The following ST6GALNAC3 variants were observed in gnomAD, a reference collection of about 807,000 sequenced individuals.
ST6GALNAC3 encodes the protein alpha-N-acetylgalactosaminide alpha-2,6-sialyltransferase 3.
In ST6GALNAC3, 25 loss-of-function variants were observed where a neutral mutation model predicts 32.7. The observed-to-expected ratio is 0.76, with a 90% CI of 0.56 to 1.07. The LOEUF is 1.07. Ranked by LOEUF, ST6GALNAC3 falls within the 50% of genes least tolerant of loss-of-function variation. The probability of loss-of-function intolerance (pLI) is 0.00; values close to 1 mark genes in which losing one functional copy is unlikely to be tolerated. For missense variants in ST6GALNAC3, 355 were observed against 382.4 expected, an observed-to-expected ratio of 0.93 and a Z score of 0.60; for synonymous variants, 129 against 133.1, an observed-to-expected ratio of 0.97 and a Z score of 0.21.
chr1:76,209,580 AGGT>A (rs1440043132), intron 1 of ST6GALNAC3, among the ~76,000 whole-genome samples: 2 of 152,180 alleles, frequency 1.3e-5, no homozygotes, highest in East Asian at 3.9e-4. Context: ...GTAGTGGAAG[AGGT>A]GGTGGTATTT....
intron 3 of ST6GALNAC3, among the ~76,000 whole-genome samples, chr1:76,592,056 G>A (rs147229674): frequency 2.6e-4 from 39 of 152,300 alleles, no homozygotes; most frequent in African/African-American, 9.1e-4. Flanking sequence ...TATGTAAGGT[G>A]AAGAATCCCA....
At chr1:76,251,890 T>C (rs77057416) in intron 1 of ST6GALNAC3, among the ~76,000 whole-genome samples, 2,063 of 152,284 alleles carry the variant, frequency 0.014, 87 homozygotes, top group East Asian at 0.12. Flanking sequence ...ACTCAGAAGA[T>C]ACGCTCCTTA....
At chr1:76,104,358 G>A (rs1458062680) in intron 1 of ST6GALNAC3, among the ~76,000 whole-genome samples, 2 of 152,158 alleles carry the variant, frequency 1.3e-5, no homozygotes, top group African/African-American at 2.4e-5. Context: ...ATATTGAGAT[G>A]GCTTGAAGAT....
At chr1:76,278,101 T>A (rs1378299569) in intron 1 of ST6GALNAC3, among the ~76,000 whole-genome samples, 1 of 152,186 alleles carries the variant, frequency 6.6e-6, no homozygotes, top group Non-Finnish European at 1.5e-5. Flanking sequence ...TGTAACATTA[T>A]AATGTTGAGT....
chr1:76,125,484 T>C lies in ST6GALNAC3; in HGVS notation c.18+50600T>C, dbSNP rs138565465. The stretch of plus-strand genomic sequence containing the variant: ...AGTTCTGACCCCTCCTCCACCTCTC[T>C]CCCCTCTGCTCCTCTTCCCTGGTTT... On this transcript the variant is annotated intron_variant, in intron 1 of 4. Coordinates refer to ENST00000328299, the MANE Select transcript of ST6GALNAC3 (RefSeq NM_152996.4). 5.3e-3 allele frequency among the ~76,000 whole-genome samples: 811 copies of C among 152,234 alleles called. 9 individuals carry two copies. The highest frequency in any genetic ancestry group is 0.019 in the African/African-American group (769 of 41,546).
chr1:76,312,215 T>C (rs1386992586), intron 1 of ST6GALNAC3, among the ~76,000 whole-genome samples: 2 of 152,154 alleles, frequency 1.3e-5, no homozygotes, highest in African/African-American at 4.8e-5. Flanking sequence ...TTGGGAAAAT[T>C]GGCTACCCAT....
At chr1:76,112,758 G>T in intron 1 of ST6GALNAC3, among the ~76,000 whole-genome samples, 1 of 150,914 alleles carries the variant, frequency 6.6e-6, no homozygotes, top group East Asian at 2.0e-4. Flanking sequence ...GGGCAGAGGC[G>T]CTCCCCACAT....
intron 1 of ST6GALNAC3, among the ~76,000 whole-genome samples, chr1:76,123,244 C>T (rs542877738): frequency 1.7e-4 from 26 of 151,862 alleles, no homozygotes; most frequent in Non-Finnish European, 2.8e-4. Context: ...TGGTGGCAGA[C>T]GCCTGTAATC....
At chr1:76,636,180 T>C (rs1173345205), downstream of ST6GALNAC3, among the ~76,000 whole-genome samples, 1 of 152,202 alleles carries the variant, frequency 6.6e-6, no homozygotes, top group African/African-American at 2.4e-5. Context: ...AGAGAGAATA[T>C]GGTTTCTTTT....
chr1:76,461,429 A>T (rs1417558754), intron 3 of ST6GALNAC3, among the ~76,000 whole-genome samples: 2 of 152,222 alleles, frequency 1.3e-5, no homozygotes, highest in Non-Finnish European at 2.9e-5. Flanking sequence ...AAAATTATTT[A>T]AAAACATACA....
At chr1:76,332,579 G>C (rs528933296) in intron 2 of ST6GALNAC3, among the ~76,000 whole-genome samples, 1 of 152,154 alleles carries the variant, frequency 6.6e-6, no homozygotes, top group Admixed American at 6.5e-5. Flanking sequence ...TTATTCTAAG[G>C]GTTTCAGGTC....
At chr1:76,457,015 C>A (rs1169840677) in intron 3 of ST6GALNAC3, among the ~76,000 whole-genome samples, 2 of 151,328 alleles carry the variant, frequency 1.3e-5, no homozygotes, top group Non-Finnish European at 3.0e-5. Flanking sequence ...TCTCAGGATA[C>A]AAAATCAATG....
chr1:76,105,347 T>G (rs1571159684), intron 1 of ST6GALNAC3, among the ~76,000 whole-genome samples: 1 of 152,234 alleles, frequency 6.6e-6, no homozygotes, highest in Non-Finnish European at 1.5e-5. Flanking sequence ...GTTACTGCTG[T>G]CCTGAGCTTC....
At chr1:76,089,327 A>G (rs1198000626) in intron 1 of ST6GALNAC3, among the ~76,000 whole-genome samples, 1 of 152,164 alleles carries the variant, frequency 6.6e-6, no homozygotes, top group Non-Finnish European at 1.5e-5. Flanking sequence ...CTGGGATTAC[A>G]GGCATAAGCC....
At chr1:76,370,636 A>G (rs1650742535) in intron 2 of ST6GALNAC3, among the ~76,000 whole-genome samples, 1 of 151,926 alleles carries the variant, frequency 6.6e-6, no homozygotes. Context: ...TGATTTTTCT[A>G]AGATTATTGT....
At chr1:76,413,296 A>C (rs757695985) in intron 3 of ST6GALNAC3, among the ~76,000 whole-genome samples, 2 of 152,166 alleles carry the variant, frequency 1.3e-5, no homozygotes, top group Non-Finnish European at 2.9e-5. Flanking sequence ...AGCGCTAATA[A>C]AGAACTGTTA....
chr1:76,237,744 T>G (rs1449188242), intron 1 of ST6GALNAC3, among the ~76,000 whole-genome samples: 1 of 152,040 alleles, frequency 6.6e-6, no homozygotes, highest in Non-Finnish European at 1.5e-5. Context: ...AGAAAAAAAA[T>G]ATTTCTGGAG....
chr1:76,634,100 G>T lies in ST6GALNAC3; in HGVS notation c.*5294G>T, dbSNP rs776098955. 100 of 946,726 alleles carry T rather than the reference G, an allele frequency of 1.1e-4. No homozygotes were observed. The highest frequency in any genetic ancestry group is 1.2e-4 in the East Asian group (1 of 8,478). The allele number at this position is 946,726 out of a possible 1,614,324, so 58.6% of individuals were successfully genotyped here. ...CTTTTCAGAATAGGCACTTTTTTTT[G>T]AGTAGAAAACCTCTTCTTTCTCCAC... On this transcript the variant is annotated 3_prime_UTR_variant, in exon 5 of 5. Transcript: ENST00000328299.
chr1:76,232,237 G>A (rs190511684), intron 1 of ST6GALNAC3, among the ~76,000 whole-genome samples: 137 of 152,350 alleles, frequency 9.0e-4, no homozygotes, highest in Non-Finnish European at 1.6e-3. Context: ...TATGACTGAT[G>A]TAGTTCAAGG....
Sources: allele counts gnomAD v4.1 joint callset (sites outside exome capture counted in the v4.1 genomes callset), GRCh38; gene constraint gnomAD v4.1.1; transcripts MANE v1.5; gene names NCBI Gene and HGNC (gene_info 2026-07-23, HGNC 2026-07-21).